Variants in RUVBL1 observed in about 807,000 individuals in gnomAD.
The protein encoded by RUVBL1 is RuvB like AAA ATPase 1.
In RUVBL1, 4 loss-of-function variants were observed where a neutral mutation model predicts 52.4. The ratio of observed to expected loss-of-function variants is 0.08; its 90% CI spans 0.04 to 0.17. The LOEUF is 0.17. RUVBL1 is among the 10% of genes least tolerant of loss of function. The pLI, the probability that RUVBL1 is intolerant of heterozygous loss-of-function variation, is 1.00. For synonymous variants in RUVBL1, 217 were observed against 214.4 expected, an observed-to-expected ratio of 1.01 and a Z score of -0.10; for missense variants, 298 against 572.8, an observed-to-expected ratio of 0.52 and a Z score of 4.90.
At chr3:128,130,088 GAAAAT>G (rs1943850778) in intron 1 of RUVBL1, among the ~76,000 whole-genome samples, 1 of 151,640 alleles carries the variant, frequency 6.6e-6, no homozygotes, top group South Asian at 2.1e-4. Context: ...GAAAAACAGA[GAAAAT>G]AAAAAAACTA....
At chr3:128,086,357 G>T (rs1458589959) in intron 9 of RUVBL1, among the ~76,000 whole-genome samples, 2 of 152,218 alleles carry the variant, frequency 1.3e-5, no homozygotes, top group East Asian at 1.9e-4. Context: ...GGGTTACTGG[G>T]GATCAAATGG....
intron 1 of RUVBL1, among the ~76,000 whole-genome samples, chr3:128,149,445 A>G (rs1322547994): frequency 6.6e-6 from 1 of 152,202 alleles, no homozygotes; most frequent in African/African-American, 2.4e-5. Flanking sequence ...TTCGCCTCTC[A>G]AAGTGCTGGG....
At chr3:128,065,349 C>T (rs1941934407) in intron 9 of RUVBL1, 3 of 583,394 alleles carry the variant, frequency 5.1e-6, no homozygotes, top group Non-Finnish European at 9.1e-6. Flanking sequence ...AGTACTCTAG[C>T]TCTGAAACCT....
chr3:128,075,928 C>T (rs539345619), downstream of RUVBL1: 822 of 152,578 alleles, frequency 5.4e-3, 7 homozygotes, highest in Non-Finnish European at 8.8e-3. Context: ...GGGCCCCCCC[C>T]TTCCCCTCGT....
chr3:128,144,162 A>G (rs17401159), intron 1 of RUVBL1, among the ~76,000 whole-genome samples: 3,914 of 152,300 alleles, frequency 0.026, 76 homozygotes, highest in Middle Eastern at 0.085. Context: ...CCTACTGAGG[A>G]AGGCACATGG....
chr3:128,082,837 A>G lies in RUVBL1; in HGVS notation c.1120-263T>C, dbSNP rs1204250694. On this transcript the variant is annotated intron_variant, in intron 9 of 10. Transcript: ENST00000322623. This position sits in a 1 kb window ranked among gnomAD's most constrained non-coding sequence, Gnocchi z 4.7. ...CTGACTCAAGTGTGGCTGGTGCCCA[A>G]GGAGGTATGCAGCTTCCCAAGTGGC... 10 of 337,260 alleles carry G rather than the reference A, an allele frequency of 3.0e-5. No individual in the cohort carries two copies. The highest frequency in any genetic ancestry group is 5.0e-5 in the Non-Finnish European group (9 of 181,494). 20.9% of individuals were successfully genotyped at this position (337,260 alleles called of 1,614,324 possible). A position where few individuals can be genotyped will look rare whatever the true frequency, so the allele number is the denominator to read the frequency against.
upstream of RUVBL1, among the ~76,000 whole-genome samples, chr3:128,127,959 T>C (rs1943816148): frequency 6.6e-6 from 1 of 152,146 alleles, no homozygotes; most frequent in African/African-American, 2.4e-5. Flanking sequence ...ATTGCGCCAC[T>C]GCACTCCAGC....
chr3:128,141,367 G>A (rs1032810751), intron 1 of RUVBL1, among the ~76,000 whole-genome samples: 1 of 152,206 alleles, frequency 6.6e-6, no homozygotes, highest in Non-Finnish European at 1.5e-5. Flanking sequence ...GTAAAACAGT[G>A]ATGACAACAC....
At chr3:128,121,366 G>A (rs1017479989) in intron 1 of RUVBL1, among the ~76,000 whole-genome samples, 4 of 151,220 alleles carry the variant, frequency 2.6e-5, no homozygotes, top group Non-Finnish European at 5.9e-5. Context: ...AAAGTGCTGG[G>A]ATTACAGGTG....
chr3:128,130,999 G>C (rs1287445313), intron 1 of RUVBL1, among the ~76,000 whole-genome samples: 1 of 151,844 alleles, frequency 6.6e-6, no homozygotes, highest in African/African-American at 2.4e-5. Context: ...CCCACCTGTA[G>C]TCTTAGCTAC....
At position 128,122,496 on chromosome 3, in the gene RUVBL1, C is replaced by T. The variant is rs1281416680; in HGVS notation, c.141+1088G>A. Reference sequence around the variant, plus strand: ...GGACATATAGCTACTTAGCACAGTGCTTGGCACATGGAAAGCACTCAACCA... The same window carrying T: ...GGACATATAGCTACTTAGCACAGTGTTTGGCACATGGAAAGCACTCAACCA... On this transcript the variant is annotated intron_variant, in intron 1 of 10. Coordinates refer to ENST00000322623, the MANE Select transcript of RUVBL1 (RefSeq NM_003707.3). 4.6e-5 allele frequency among the ~76,000 whole-genome samples: 7 copies of T among 152,350 alleles called. No individual in the cohort carries two copies. In the East Asian group the frequency reaches 1.2e-3, roughly 25 times the overall value.
In RUVBL1 at chr3:128,099,354, A is replaced by G. The variant is rs539211469; in HGVS notation, c.754-409T>C. On this transcript the variant is annotated intron_variant, in intron 6 of 10. Transcript: ENST00000322623. Reference sequence around the variant, plus strand: ...TCCCAGTCATTAAAGTTCACGTCAAATGCCCTCTAGGGCGCATCTGACCCT... The same window carrying G: ...TCCCAGTCATTAAAGTTCACGTCAAGTGCCCTCTAGGGCGCATCTGACCCT... 5.7e-4 allele frequency among the ~76,000 whole-genome samples: 87 copies of G among 152,316 alleles called. 1 individual carries two copies. Among genetic ancestry groups the G allele is most frequent in the African/African-American group, 1.8e-3 (76 of 41,564 alleles).
chr3:128,082,208 T>C lies in RUVBL1; in HGVS notation c.1211+275A>G, dbSNP rs1942495238. On this transcript the variant is annotated intron_variant, in intron 10 of 10. Transcript: ENST00000322623. This position sits in a 1 kb window ranked among gnomAD's most constrained non-coding sequence, Gnocchi z 4.7. Reference sequence around the variant, plus strand: ...GCTCTCTAGTTCTGTGCATCTTCTCTGCCACAAGAAGGCCCAGGGTCAAAG... The same window carrying C: ...GCTCTCTAGTTCTGTGCATCTTCTCCGCCACAAGAAGGCCCAGGGTCAAAG... The C allele has an allele frequency of 2.4e-6, 1 of 412,596 alleles. No individual in the cohort carries two copies. The highest frequency in any genetic ancestry group is 2.8e-5 in the South Asian group (1 of 36,312). The allele number at this position is 412,596 out of a possible 1,614,324, so 25.6% of individuals were successfully genotyped here.
intron 1 of RUVBL1, among the ~76,000 whole-genome samples, 170 bp from the exon 2 acceptor site, chr3:128,119,584 A>G (rs1321688024): frequency 2.0e-5 from 3 of 152,220 alleles, no homozygotes; most frequent in African/African-American, 7.2e-5. Context: ...AAGGCAGAAA[A>G]GCCTTGTACT....
Position 128,067,240 on chromosome 3 carries a change from C to A in RUVBL1, c.940-2020G>T. Reference sequence around the variant, plus strand: ...CTTGCTCATGAACAGATATTTCATCCAAAGATATTTTCCATTGTGCCTTTT... The same window carrying A: ...CTTGCTCATGAACAGATATTTCATCAAAAGATATTTTCCATTGTGCCTTTT... On this transcript the variant is annotated intron_variant, in intron 9 of 9. Transcript: ENST00000464873. This position sits in a 1 kb window ranked among gnomAD's most constrained non-coding sequence, Gnocchi z 4.1. 2 of 1,378,090 alleles carry A rather than the reference C, an allele frequency of 1.5e-6. No individual in the cohort carries two copies. The highest frequency in any genetic ancestry group is 2.0e-6 in the Non-Finnish European group (2 of 980,760). 85.4% of individuals were successfully genotyped at this position (1,378,090 alleles called of 1,614,324 possible).
downstream of RUVBL1, among the ~76,000 whole-genome samples, chr3:128,077,076 C>T (rs1291093853): frequency 1.3e-5 from 2 of 151,808 alleles, no homozygotes; most frequent in African/African-American, 4.8e-5. Context: ...TTGATCGCGC[C>T]GGGCCCCTGC....
chr3:128,131,504 A>C (rs1308377112), intron 1 of RUVBL1, among the ~76,000 whole-genome samples: 1 of 147,944 alleles, frequency 6.8e-6, no homozygotes, highest in Non-Finnish European at 1.5e-5. Flanking sequence ...CAAACAAACA[A>C]ACACTGTAAA....
intron 1 of RUVBL1, among the ~76,000 whole-genome samples, chr3:128,137,772 A>C (rs1943969041): frequency 6.6e-6 from 1 of 152,212 alleles, no homozygotes; most frequent in African/African-American, 2.4e-5. Context: ...TCCCTGATGA[A>C]CATTAACGCA....
chr3:128,082,776 G>A lies in RUVBL1; in HGVS notation c.1120-202C>T. The A allele has an allele frequency of 2.0e-6, 1 of 508,146 alleles. No homozygotes were observed. Among genetic ancestry groups the A allele is most frequent in the Non-Finnish European group, 3.6e-6 (1 of 281,356 alleles). 31.5% of individuals were successfully genotyped at this position (508,146 alleles called of 1,614,324 possible). On this transcript the variant is annotated intron_variant, in intron 9 of 10. Coordinates refer to ENST00000322623, the MANE Select transcript of RUVBL1 (RefSeq NM_003707.3). This position sits in a 1 kb window ranked among gnomAD's most constrained non-coding sequence, Gnocchi z 4.7. ...GGAGGCATGTGCGGCCCTGCAGTAT[G>A]CATGAATAGCATCACGGCCAGTGTG... is the stretch of plus-strand genomic sequence containing the variant.
Sources: gnomAD v4.1 joint callset for allele counts (sites outside exome capture counted in the v4.1 genomes callset) on GRCh38, gnomAD v4.1.1 for gene constraint, Gnocchi (gnomAD v3.1) non-coding constraint, MANE v1.5 for transcripts, NCBI Gene and HGNC (gene_info 2026-07-23, HGNC 2026-07-21) for gene names.